Variants in SLC9A2 observed in about 807,000 individuals in gnomAD.
The protein encoded by SLC9A2 is solute carrier family 9 member A2.
SLC9A2 carries 42 observed loss-of-function variants against 71.7 expected under a neutral mutation model. That is an observed-to-expected ratio of 0.59 (90% confidence interval 0.46 to 0.76). The LOEUF is 0.76. Ranked by LOEUF, SLC9A2 falls within the 30% of genes least tolerant of loss-of-function variation. The pLI is 0.00. For synonymous variants in SLC9A2, 396 were observed against 392.5 expected, an observed-to-expected ratio of 1.01 and a Z score of -0.10; for missense variants, 829 against 1,017.4, an observed-to-expected ratio of 0.81 and a Z score of 2.52.
intron 1 of SLC9A2, among the ~76,000 whole-genome samples, chr2:102,626,858 T>C (rs1456232600): frequency 1.3e-5 from 2 of 152,144 alleles, no homozygotes; most frequent in Non-Finnish European, 2.9e-5. Flanking sequence ...AAATAATAGA[T>C]ATTTTTATCA....
Position 102,701,196 on chromosome 2 carries a change from G to A in SLC9A2, c.1713G>A (p.Gly571=), listed in dbSNP as rs374852380. 1 of 1,610,426 alleles carries A rather than the reference G, an allele frequency of 6.2e-7. No homozygotes were observed. Among genetic ancestry groups the A allele is most frequent in the African/African-American group, 1.3e-5 (1 of 74,694 alleles). Residue 571 remains glycine, a synonymous_variant, in exon 8 of 12, where the codon GGG becomes GGA. Transcript: ENST00000233969. Reference sequence around the variant, plus strand: ...ATGCCATTGAGATGGCAGAGACTGGGATGATAAGTACTGTCCCTACATTTG... The same window carrying A: ...ATGCCATTGAGATGGCAGAGACTGGAATGATAAGTACTGTCCCTACATTTG... ...IKHAIEMAET[G]MISTVPTFAS... is the part of the protein sequence containing the mutation.
intron 3 of SLC9A2, among the ~76,000 whole-genome samples, chr2:102,680,424 G>A (rs972364675): frequency 1.3e-5 from 2 of 152,134 alleles, no homozygotes; most frequent in African/African-American, 4.8e-5. Context: ...GAGTGCTGGC[G>A]AGATGCCCGA....
intron 1 of SLC9A2, among the ~76,000 whole-genome samples, chr2:102,635,307 T>C (rs1676448308): frequency 6.6e-6 from 1 of 152,250 alleles, no homozygotes; most frequent in Non-Finnish European, 1.5e-5. Flanking sequence ...AAGGATACAT[T>C]GTTCGTGTTA....
chr2:102,633,356 A>G (rs1676410908), intron 1 of SLC9A2, among the ~76,000 whole-genome samples: 1 of 152,128 alleles, frequency 6.6e-6, no homozygotes, highest in Non-Finnish European at 1.5e-5. Flanking sequence ...CTCACGGGAA[A>G]GGATATTAAA....
chr2:102,658,067 G>C lies in SLC9A2; in HGVS notation c.753+40G>C, dbSNP rs1676980329. The C allele has an allele frequency of 2.0e-6, 3 of 1,496,814 alleles. No individual in the cohort carries two copies. In the Admixed American group the frequency reaches 5.3e-5, roughly 27 times the overall value. The allele number at this position is 1,496,814 out of a possible 1,614,324, so 92.7% of individuals were successfully genotyped here. A position where few individuals can be genotyped will look rare whatever the true frequency, so the allele number is the denominator to read the frequency against. Reference sequence around the variant, plus strand: ...CACTGCATGACTCCAACAGGTGGGGGCTGCCCAGCCACCTGCAGTGGCTCT... The same window carrying C: ...CACTGCATGACTCCAACAGGTGGGGCCTGCCCAGCCACCTGCAGTGGCTCT... On this transcript the variant is annotated intron_variant, in intron 2 of 11. Coordinates refer to ENST00000233969, the MANE Select transcript of SLC9A2 (RefSeq NM_003048.6).
At chr2:102,690,218 G>T (rs967558085) in intron 5 of SLC9A2, among the ~76,000 whole-genome samples, 1 of 152,318 alleles carries the variant, frequency 6.6e-6, no homozygotes, top group East Asian at 1.9e-4. Flanking sequence ...GGTTACACAG[G>T]AAGGAGAGAA....
At chr2:102,651,658 C>T (rs1047475825) in intron 1 of SLC9A2, among the ~76,000 whole-genome samples, 2 of 152,196 alleles carry the variant, frequency 1.3e-5, no homozygotes, top group African/African-American at 4.8e-5. Context: ...CTCATCACTG[C>T]GTGCTACTGT....
At chr2:102,707,988 T>C (rs991422777) in intron 11 of SLC9A2, 131 bp from the exon 12 acceptor site, 13 of 962,938 alleles carry the variant, frequency 1.4e-5, no homozygotes, top group Admixed American at 9.5e-5. Flanking sequence ...AAAATTAGCA[T>C]AAGCCTGCTA....
In SLC9A2 at chr2:102,619,896, G is replaced by T. The variant is rs753700807; in HGVS notation, c.48G>T (p.Pro16=). ...GGAGCCTGCGGGCGCCACTGCCTCC[G>T]ATGCTGTTGCTGCTGCTCCTGCAGG... ...NWRSLRAPLP[P]MLLLLLLQVA... The change falls in exon 1 of 12, where the codon CCG becomes CCT. Residue 16 remains proline, a synonymous_variant. Coordinates refer to ENST00000233969, the MANE Select transcript of SLC9A2 (RefSeq NM_003048.6). This position sits in a 1 kb window ranked among gnomAD's most constrained non-coding sequence, Gnocchi z 4.3. 1 of 1,586,812 alleles carries T rather than the reference G, an allele frequency of 6.3e-7. No homozygotes were observed. Among genetic ancestry groups the T allele is most frequent in the Non-Finnish European group, 8.6e-7 (1 of 1,165,532 alleles).
At chr2:102,656,249 C>T (rs1193335238) in intron 1 of SLC9A2, among the ~76,000 whole-genome samples, 2 of 152,238 alleles carry the variant, frequency 1.3e-5, no homozygotes, top group Admixed American at 6.5e-5. Context: ...TCTTTCCCTA[C>T]AGGCCTCCTC....
At chr2:102,707,514 C>T (rs1207096712) in intron 11 of SLC9A2, among the ~76,000 whole-genome samples, 2 of 152,116 alleles carry the variant, frequency 1.3e-5, no homozygotes, top group Non-Finnish European at 1.5e-5. Context: ...CTGCCCTACC[C>T]GTAGCACTCT....
chr2:102,640,545 T>C (rs747464973), intron 1 of SLC9A2, among the ~76,000 whole-genome samples: 2 of 152,184 alleles, frequency 1.3e-5, no homozygotes, highest in Non-Finnish European at 2.9e-5. Flanking sequence ...TACTGGTTGT[T>C]ATAAAGGGAT....
chr2:102,634,790 G>A (rs2041734), intron 1 of SLC9A2, among the ~76,000 whole-genome samples: 1 of 151,868 alleles, frequency 6.6e-6, no homozygotes, highest in Non-Finnish European at 1.5e-5. Context: ...CCAGGTTCTT[G>A]TCTTGGAAAA....
At chr2:102,645,128 C>T (rs981936053) in intron 1 of SLC9A2, among the ~76,000 whole-genome samples, 3 of 152,224 alleles carry the variant, frequency 2.0e-5, no homozygotes. Context: ...TGCTGTTCTG[C>T]AGCCTCCGCT....
At chr2:102,682,633 G>A (rs1677475310) in intron 3 of SLC9A2, among the ~76,000 whole-genome samples, 2 of 152,206 alleles carry the variant, frequency 1.3e-5, no homozygotes. Flanking sequence ...CTCAGAACCT[G>A]TTAAAACCTT....
rs912272671 is a variant in SLC9A2, at chr2:102,710,611, ATT to A, written c.*2129_*2130del. ...TAAATCTTAATTATTATCAGTTTAA[ATT>A]TTTTTTGTTTGTTGAATGACAAAGG... On this transcript the variant is annotated 3_prime_UTR_variant, in exon 12 of 12. Transcript: ENST00000233969. 2 of 151,930 alleles carry A rather than the reference ATT, an allele frequency of 1.3e-5. No individual in the cohort carries two copies. Among genetic ancestry groups the A allele is most frequent in the South Asian group, 2.1e-4 (1 of 4,826 alleles). The allele number at this position is 151,930 out of a possible 1,614,324, so 9.4% of individuals were successfully genotyped here.
intron 1 of SLC9A2, among the ~76,000 whole-genome samples, chr2:102,645,998 T>A (rs966004607): frequency 6.6e-6 from 1 of 151,934 alleles, no homozygotes; most frequent in African/African-American, 2.4e-5. Context: ...AGACACATAA[T>A]CATCAGATTC....
chr2:102,639,189 A>T (rs1017615580), intron 1 of SLC9A2, among the ~76,000 whole-genome samples: 2 of 152,228 alleles, frequency 1.3e-5, no homozygotes, highest in African/African-American at 4.8e-5. Context: ...GTCTAAAAAA[A>T]TAGAAACCTG....
At chr2:102,623,121 G>A (rs1239050185) in intron 1 of SLC9A2, among the ~76,000 whole-genome samples, 1 of 152,092 alleles carries the variant, frequency 6.6e-6, no homozygotes, top group Non-Finnish European at 1.5e-5. Flanking sequence ...GCCAGTTTCG[G>A]CTTTCCCCTG....
Sources: allele counts gnomAD v4.1 joint callset (sites outside exome capture counted in the v4.1 genomes callset), GRCh38; gene constraint gnomAD v4.1.1; non-coding constraint Gnocchi (gnomAD v3.1); transcripts MANE v1.5; gene names NCBI Gene and HGNC (gene_info 2026-07-23, HGNC 2026-07-21).